Variants in TRANK1 observed in about 807,000 individuals in gnomAD.
TRANK1 encodes tetratricopeptide repeat and ankyrin repeat containing 1.
In TRANK1, 198 loss-of-function variants were observed where a neutral mutation model predicts 266.0. That is an observed-to-expected ratio of 0.74 (90% CI 0.66 to 0.84). The LOEUF is 0.84. TRANK1 is among the 40% of genes least tolerant of loss of function. TRANK1 has a pLI of 0.00. For missense variants in TRANK1, 3,326 were observed against 3,634.6 expected, an observed-to-expected ratio of 0.92 and a Z score of 2.18; for synonymous variants, 1,396 against 1,384.1, an observed-to-expected ratio of 1.01 and a Z score of -0.19.
intron 1 of TRANK1, among the ~76,000 whole-genome samples, chr3:36,912,965 G>A (rs570826978): frequency 8.0e-4 from 121 of 151,890 alleles, no homozygotes; most frequent in Middle Eastern, 6.8e-3. Context: ...AATGATCCAA[G>A]ATTAACTCGG....
rs1309835102 is a variant in TRANK1, at chr3:36,899,268, G to C, written c.283-9C>G. 1 of 1,535,544 alleles carries C rather than the reference G, an allele frequency of 6.5e-7. No individual in the cohort carries two copies. The highest frequency in any genetic ancestry group is 1.4e-5 in the African/African-American group (1 of 72,888). On this transcript the variant is annotated splice_polypyrimidine_tract_variant and intron_variant, in intron 3 of 23. Transcript: ENST00000645898. ...CCAGCTCGGTAGTATCCCTGGAACA[G>C]GATAAAAAGCAAAACTGTCATGTAC... is the stretch of plus-strand genomic sequence containing the variant.
In TRANK1 at chr3:36,944,842, C is replaced by A; in HGVS notation, c.-33G>T. 2.1e-6 allele frequency: 3 copies of A among 1,448,648 alleles called. No homozygotes were observed. The highest frequency in any genetic ancestry group is 2.7e-5 in the South Asian group (2 of 74,530). The allele number at this position is 1,448,648 out of a possible 1,614,324, so 89.7% of individuals were successfully genotyped here. On this transcript the variant is annotated 5_prime_UTR_variant, in exon 1 of 24. Coordinates refer to ENST00000645898, the MANE Select transcript of TRANK1 (RefSeq NM_001329998.2). The stretch of plus-strand genomic sequence containing the variant: ...GCCGGAGGGTCCGCACCAGGACCGC[C>A]GCCGCCTGGGGAAGCGCTTCCCTGT...
intron 13 of TRANK1, among the ~76,000 whole-genome samples, chr3:36,852,587 A>G (rs2078998664): frequency 6.6e-6 from 1 of 152,056 alleles, no homozygotes; most frequent in Non-Finnish European, 1.5e-5. Context: ...CTCATTCCCA[A>G]CCTATATTCA....
Position 36,832,535 on chromosome 3 carries a change from G to A in TRANK1, c.7048C>T (p.Leu2350=). 6.2e-7 allele frequency: 1 copy of A among 1,613,954 alleles called. No individual in the cohort carries two copies. The highest frequency in any genetic ancestry group is 8.5e-7 in the Non-Finnish European group (1 of 1,179,880). The change falls in exon 22 of 24, where the codon CTG becomes TTG. Residue 2350 remains leucine (L), a synonymous_variant. Coordinates refer to ENST00000645898, the MANE Select transcript of TRANK1 (RefSeq NM_001329998.2). The part of the protein sequence containing the change: ...SSNYPEEFEK[L]LHQEEDNYNR... ...TAGTTGTCCTCCTCCTGGTGGAGCA[G>A]CTTTTCAAACTCCTCCGGGTAGTTG...
At chr3:36,841,265 G>A (rs1399162879) in intron 18 of TRANK1, among the ~76,000 whole-genome samples, 2 of 152,232 alleles carry the variant, frequency 1.3e-5, no homozygotes, top group Non-Finnish European at 2.9e-5. Flanking sequence ...AGAAAGTGCA[G>A]ATACTTTTCC....
Position 36,858,903 on chromosome 3 carries a change from G to A in TRANK1, c.1496-9C>T, listed in dbSNP as rs994116767. On this transcript the variant is annotated splice_polypyrimidine_tract_variant and intron_variant, in intron 11 of 23. Coordinates refer to ENST00000645898, the MANE Select transcript of TRANK1 (RefSeq NM_001329998.2). ...AAGACCATCAGGCAAGGCTGGGAGA[G>A]GAGAGAAGGGAAGCGCAATGTGAGC... 5 of 1,529,114 alleles carry A rather than the reference G, an allele frequency of 3.3e-6. No individual in the cohort carries two copies. In the African/African-American group the frequency reaches 6.9e-5, roughly 21 times the overall value. The allele number at this position is 1,529,114 out of a possible 1,614,324, so 94.7% of individuals were successfully genotyped here.
At chr3:36,925,390 T>C (rs182360196) in intron 1 of TRANK1, among the ~76,000 whole-genome samples, 8 of 152,278 alleles carry the variant, frequency 5.3e-5, no homozygotes, top group Admixed American at 5.2e-4. Context: ...CTCTTTTTTT[T>C]CTGTCTGCTT....
chr3:36,870,549 T>C (rs145894952), intron 9 of TRANK1, among the ~76,000 whole-genome samples: 3 of 152,350 alleles, frequency 2.0e-5, no homozygotes, highest in African/African-American at 7.2e-5. Context: ...TTCACTCATG[T>C]TTCTCTATAG....
In TRANK1 at chr3:36,906,270, G is replaced by GT. The variant is rs2079966347; in HGVS notation, c.155+2052dup. Among the ~76,000 whole-genome samples, 7 of 152,294 alleles carry GT rather than the reference G, an allele frequency of 4.6e-5. No homozygotes were observed. The South Asian group carries it at 1.2e-3, about 27-fold the overall frequency. Reference sequence around the variant, plus strand: ...GAGGGGGAGGTGGAGCCGTGTTTCAGTAATTTAATTTGGTGCCATTTCCTA... The same window carrying GT: ...GAGGGGGAGGTGGAGCCGTGTTTCAGTTAATTTAATTTGGTGCCATTTCCTA... On this transcript the variant is annotated intron_variant, in intron 2 of 23. Transcript: ENST00000645898.
rs762258788 is a variant in TRANK1, at chr3:36,831,434, C to T, written c.8149G>A (p.Ala2717Thr). The change falls in exon 22 of 24, where the codon GCC becomes ACC. Residue 2717 changes from alanine to threonine, a missense_variant. By Grantham distance (58) the Ala-to-Thr change is moderately conservative (BLOSUM62 0). Transcript: ENST00000645898. This position sits in a 1 kb window ranked among gnomAD's most constrained non-coding sequence, Gnocchi z 5.0. ...ATILSQKQRK[A>T]SIQRKLRRAC... ...CTCCTCAACTTCCGCTGTATGGAGG[C>T]CTTCCGTTGCTTTTGGGAAAGAATG... 1.9e-6 allele frequency: 3 copies of T among 1,613,044 alleles called. No individual in the cohort carries two copies. Among genetic ancestry groups the T allele is most frequent in the Admixed American group, 1.7e-5 (1 of 59,854 alleles).
chr3:36,878,927 T>C (rs913293330), intron 8 of TRANK1, among the ~76,000 whole-genome samples: 1 of 152,136 alleles, frequency 6.6e-6, no homozygotes, highest in Admixed American at 6.5e-5. Context: ...AACAATAAAA[T>C]TTTTCTTTAA....
intron 9 of TRANK1, among the ~76,000 whole-genome samples, chr3:36,870,461 T>C (rs142203119): frequency 7.2e-4 from 110 of 151,746 alleles, no homozygotes; most frequent in African/African-American, 2.6e-3. Context: ...TAGAATACTT[T>C]GGGAAATATA....
At chr3:36,837,071 T>A (rs1053349162) in intron 20 of TRANK1, among the ~76,000 whole-genome samples, 1 of 152,232 alleles carries the variant, frequency 6.6e-6, no homozygotes, top group Non-Finnish European at 1.5e-5. Context: ...CCAAACTGAC[T>A]AGCAAGGTTC....
chr3:36,870,998 TA>T (rs1178268020), intron 9 of TRANK1, among the ~76,000 whole-genome samples: 1 of 134,954 alleles, frequency 7.4e-6, no homozygotes, highest in Non-Finnish European at 1.6e-5. Flanking sequence ...CCTAAAACCT[TA>T]AAAACTAAAC....
At chr3:36,937,815 C>T (rs528493855) in intron 1 of TRANK1, among the ~76,000 whole-genome samples, 110 of 152,198 alleles carry the variant, frequency 7.2e-4, no homozygotes, top group South Asian at 2.1e-3. Flanking sequence ...GGAGCAGCCC[C>T]GAAAAGGGAG....
At chr3:36,941,212 A>G (rs553834710) in intron 1 of TRANK1, among the ~76,000 whole-genome samples, 1 of 152,338 alleles carries the variant, frequency 6.6e-6, no homozygotes, top group Non-Finnish European at 1.5e-5. Context: ...GACTGGGAAT[A>G]CTGCCCTCTT....
chr3:36,847,103 C>T (rs1173229776), intron 16 of TRANK1, 97 bp downstream of exon 16: 3 of 1,396,660 alleles, frequency 2.1e-6, no homozygotes, highest in Non-Finnish European at 2.9e-6. Context: ...GGAAAACCAG[C>T]CAAGTGCAAG....
chr3:36,938,811 T>G (rs904627037), intron 1 of TRANK1, among the ~76,000 whole-genome samples: 7 of 151,774 alleles, frequency 4.6e-5, no homozygotes, highest in Non-Finnish European at 1.0e-4. Flanking sequence ...TACAAAAAAT[T>G]TAGCGGAGGG....
At chr3:36,880,072 G>GTAAACATACAAATATATGTAAACATA (rs1559449879) in intron 8 of TRANK1, 2 of 18,816 alleles carry the variant, frequency 1.1e-4, no homozygotes, top group South Asian at 1.2e-3. Flanking sequence ...ATGTAAACAT[G>GTAAACATACAAATATATGTAAACATA]CAAATATATA....
Sources: gnomAD v4.1 joint callset for allele counts (sites outside exome capture counted in the v4.1 genomes callset) on GRCh38, gnomAD v4.1.1 for gene constraint, Gnocchi (gnomAD v3.1) non-coding constraint, MANE v1.5 for transcripts, NCBI Gene and HGNC (gene_info 2026-07-23, HGNC 2026-07-21) for gene names.